Variants in RNF128 observed in about 807,000 individuals in gnomAD.
RNF128 encodes the protein E3 ubiquitin-protein ligase RNF128.
A neutral mutation model predicts 26.2 loss-of-function variants in RNF128; 13 were observed. The ratio of observed to expected loss-of-function variants is 0.50; its 90% confidence interval spans 0.32 to 0.79. The LOEUF (loss-of-function observed/expected upper bound fraction) is 0.79. Ranked by LOEUF, RNF128 falls within the 30% of genes least tolerant of loss-of-function variation. The pLI is 0.03. For missense variants in RNF128, 315 were observed against 349.7 expected (o/e 0.90, Z 0.79); for synonymous variants, 149 against 142.5 (o/e 1.05, Z -0.32).
intron 2 of RNF128, among the ~76,000 whole-genome samples, chrX:106,783,424 G>A (rs914391183): frequency 1.8e-5 from 2 of 111,189 alleles, no homozygotes; most frequent in South Asian, 3.8e-4. Context: ...TTGAGTATCT[G>A]CTATATGCCA....
intron 1 of RNF128, among the ~76,000 whole-genome samples, chrX:106,704,574 C>A (rs182261535): frequency 2.6e-3 from 283 of 110,897 alleles, no homozygotes; most frequent in African/African-American, 9.1e-3. Flanking sequence ...GAAGTCGTGT[C>A]CTCATGATAA....
chrX:106,773,240 A>G, intron 2 of RNF128, 80 bp downstream of exon 2: 1 of 970,326 alleles, frequency 1.0e-6, no homozygotes, highest in Non-Finnish European at 1.4e-6. Context: ...ATTTTAATAC[A>G]TTGTACTTGC....
At chrX:106,767,192 G>C (rs751037901) in intron 1 of RNF128, among the ~76,000 whole-genome samples, 1 of 111,563 alleles carries the variant, frequency 9.0e-6, no homozygotes, top group Non-Finnish European at 1.9e-5. Context: ...TTGTCTTGGC[G>C]ATGCGGGCTC....
intron 1 of RNF128, among the ~76,000 whole-genome samples, chrX:106,754,983 GT>G (rs1326668622): frequency 2.7e-5 from 3 of 111,105 alleles, no homozygotes; most frequent in African/African-American, 9.8e-5. Context: ...GACATGAAAA[GT>G]TGTTTTCTTT....
chrX:106,753,241 C>A (rs1929934571), intron 1 of RNF128, among the ~76,000 whole-genome samples: 1 of 111,012 alleles, frequency 9.0e-6, no homozygotes, highest in Admixed American at 9.6e-5. Flanking sequence ...ATAATAACTG[C>A]AAGTTTTGAA....
intron 1 of RNF128, among the ~76,000 whole-genome samples, chrX:106,741,392 A>C (rs1929700167): frequency 9.0e-6 from 1 of 111,470 alleles, no homozygotes; most frequent in Non-Finnish European, 1.9e-5. Flanking sequence ...GTGTACCAGC[A>C]TCTGAATGGA....
chrX:106,741,857 C>G (rs996458847), intron 1 of RNF128, among the ~76,000 whole-genome samples: 4 of 111,749 alleles, frequency 3.6e-5, no homozygotes, highest in Non-Finnish European at 5.6e-5. Flanking sequence ...TTATGAAGGA[C>G]AAATAAACCA....
chrX:106,739,539 T>C (rs1179363740), intron 1 of RNF128, among the ~76,000 whole-genome samples: 1 of 112,127 alleles, frequency 8.9e-6, no homozygotes, highest in Admixed American at 9.5e-5. Flanking sequence ...AGGAACAGAA[T>C]ATATTCAATG....
upstream of RNF128, among the ~76,000 whole-genome samples, chrX:106,724,604 T>G (rs1929364284): frequency 8.9e-6 from 1 of 111,759 alleles, no homozygotes; most frequent in Admixed American, 9.5e-5. Flanking sequence ...AATTGTAGCT[T>G]CCTAACATTT....
At position 106,767,387 on chromosome X, in the gene RNF128, C is replaced by T. The variant is rs186795388; in HGVS notation, c.485-5526C>T. 7.8e-3 allele frequency among the ~76,000 whole-genome samples: 869 copies of T among 111,749 alleles called. 6 individuals are homozygous for T. Among genetic ancestry groups the T allele is most frequent in the African/African-American group, 0.027 (838 of 30,712 alleles). ...CATTTGTTTGTGTCCTCTTTTATTT[C>T]GTTGAGCAGTGGTTTGTAGTTCTCC... On this transcript the variant is annotated intron_variant, in intron 1 of 6. Transcript: ENST00000255499.
intron 1 of RNF128, among the ~76,000 whole-genome samples, chrX:106,771,456 T>G (rs1243409723): frequency 8.9e-6 from 1 of 112,746 alleles, no homozygotes; most frequent in Non-Finnish European, 1.9e-5. Context: ...AGCAATGGCG[T>G]ACGCCCCTCC....
chrX:106,741,781 A>T (rs1216369455), intron 1 of RNF128, among the ~76,000 whole-genome samples: 2 of 111,997 alleles, frequency 1.8e-5, no homozygotes, highest in Non-Finnish European at 3.8e-5. Context: ...GTTATGTGGT[A>T]GGCACTCTGC....
chrX:106,721,616 T>C (rs1602367301), intron 1 of RNF128, among the ~76,000 whole-genome samples: 1 of 111,936 alleles, frequency 8.9e-6, no homozygotes, highest in South Asian at 3.8e-4. Context: ...TCCTGGCCCA[T>C]ATATATCCTG....
chrX:106,700,915 T>C (rs1276215444), intron 1 of RNF128, among the ~76,000 whole-genome samples: 3 of 112,153 alleles, frequency 2.7e-5, no homozygotes, highest in Non-Finnish European at 5.6e-5. Context: ...ATATTAATAT[T>C]GCACACACAC....
rs1226552058 is a variant in RNF128 at position 106,782,888 on chromosome X, G to C, written c.733-2177G>C. ...AGTTTTCTTCTCTGTCTGATTAGAT[G>C]TCGGGCTCGGTAATCTAAAGATCCT... is the stretch of plus-strand genomic sequence containing the variant. On this transcript the variant is annotated intron_variant, in intron 2 of 6. Transcript: ENST00000255499. Among the ~76,000 whole-genome samples the C allele has an allele frequency of 4.5e-5, 5 of 111,337 alleles. No individual in the cohort carries two copies. In the East Asian group the frequency reaches 8.5e-4, roughly 19 times the overall value.
intron 1 of RNF128, among the ~76,000 whole-genome samples, chrX:106,767,209 T>G (rs1019348169): frequency 4.5e-5 from 5 of 111,051 alleles, no homozygotes; most frequent in African/African-American, 1.6e-4. Flanking sequence ...GCTCTTTGGG[T>G]TCCATATGAA....
intron 1 of RNF128, among the ~76,000 whole-genome samples, chrX:106,712,137 T>C (rs772498083): frequency 1.3e-4 from 15 of 112,304 alleles, no homozygotes; most frequent in Admixed American, 6.6e-4. Flanking sequence ...AGTCACGTCT[T>C]TATATGTCTG....
At chrX:106,783,651 G>C (rs1199017910) in intron 2 of RNF128, among the ~76,000 whole-genome samples, 1 of 111,249 alleles carries the variant, frequency 9.0e-6, no homozygotes, top group Non-Finnish European at 1.9e-5. Context: ...TTCCACACAT[G>C]TATTAGTCGG....
At position 106,727,092 on chromosome X, in the gene RNF128, G is replaced by C. The variant is rs753333499; in HGVS notation, c.179G>C (p.Arg60Pro). Reference protein sequence around the residue: ...SWRVPHTGVNRTVWELSEEGV... With the variant: ...SWRVPHTGVNPTVWELSEEGV... The stretch of plus-strand genomic sequence containing the variant: ...CGGGTTCCGCACACGGGAGTGAACC[G>C]TACGGTGTGGGAGCTGAGCGAGGAG... Residue 60 changes from arginine (R) to proline (P), a missense_variant, in exon 1 of 7, where the codon CGT (arginine) becomes CCT (proline). Physicochemically the swap from Arg to Pro is moderately radical, Grantham distance 103. Transcript: ENST00000255499. 1 of 1,205,204 alleles carries C rather than the reference G, an allele frequency of 8.3e-7. No homozygotes were observed. Among genetic ancestry groups the C allele is most frequent in the South Asian group, 1.8e-5 (1 of 55,481 alleles).
Sources: allele counts gnomAD v4.1 joint callset (sites outside exome capture counted in the v4.1 genomes callset), GRCh38; gene constraint gnomAD v4.1.1; transcripts MANE v1.5; gene names NCBI Gene and HGNC (gene_info 2026-07-23, HGNC 2026-07-21).